MRC1: variants seen among roughly 807,000 people sequenced by gnomAD.
The protein encoded by MRC1 is mannose receptor C-type 1, also known as macrophage mannose receptor 1.
A neutral mutation model predicts 102.9 loss-of-function variants in MRC1; 62 were observed. The ratio of observed to expected loss-of-function variants is 0.60; its 90% confidence interval spans 0.49 to 0.74. MRC1 has a LOEUF of 0.74. Among genes scored for constraint, MRC1 ranks in the 30% least tolerant of loss-of-function variants. The probability of loss-of-function intolerance (pLI) is 0.00; values close to 1 mark genes in which losing one functional copy is unlikely to be tolerated. For missense variants in MRC1, 1,237 were observed against 862.8 expected (o/e 1.43, Z -5.43); for synonymous variants, 457 against 298.4 (o/e 1.53, Z -5.48).
At chr10:17,819,471 G>GTC (rs1554838115) in intron 1 of MRC1, among the ~76,000 whole-genome samples, 1 of 147,590 alleles carries the variant, frequency 6.8e-6, no homozygotes, top group Non-Finnish European at 1.5e-5. Context: ...GTGTGTGTGT[G>GTC]TGTGTGTGTG....
At chr10:17,859,006 A>G (rs1222256023) in intron 9 of MRC1, among the ~76,000 whole-genome samples, 4 of 152,106 alleles carry the variant, frequency 2.6e-5, no homozygotes, top group Admixed American at 6.5e-5. Context: ...ATCTCTTCCT[A>G]TGCTATCTTT....
intron 19 of MRC1, among the ~76,000 whole-genome samples, 198 bp from the exon 20 acceptor site, chr10:17,880,327 A>G (rs1833496452): frequency 6.6e-6 from 1 of 152,210 alleles, no homozygotes; most frequent in African/African-American, 2.4e-5. Flanking sequence ...GATGCTCTCT[A>G]TAAAGTGGAA....
At chr10:17,819,010 G>T (rs1268888784) in intron 1 of MRC1, among the ~76,000 whole-genome samples, 1 of 152,122 alleles carries the variant, frequency 6.6e-6, no homozygotes, top group African/African-American at 2.4e-5. Flanking sequence ...TTTTTCCTGG[G>T]TACAGTGGTT....
At chr10:17,811,689 A>C (rs553673834) in intron 1 of MRC1, among the ~76,000 whole-genome samples, 230 of 151,906 alleles carry the variant, frequency 1.5e-3, no homozygotes, top group African/African-American at 5.5e-3. Flanking sequence ...CCCACTCCCA[A>C]CTCCCCAGTA....
intron 22 of MRC1, among the ~76,000 whole-genome samples, chr10:17,891,861 A>G (rs1833681483): frequency 6.6e-6 from 1 of 152,216 alleles, no homozygotes; most frequent in African/African-American, 2.4e-5. Context: ...ATCATACGGG[A>G]GCCCCAAGGA....
intron 2 of MRC1, among the ~76,000 whole-genome samples, chr10:17,826,215 T>C (rs1381728538): frequency 6.6e-6 from 1 of 152,182 alleles, no homozygotes; most frequent in Non-Finnish European, 1.5e-5. Flanking sequence ...TTAAGATTTA[T>C]TTTTTGACGC....
chr10:17,855,540 C>G (rs917600317), intron 8 of MRC1, among the ~76,000 whole-genome samples: 5,160 of 138,172 alleles, frequency 0.037, 311 homozygotes, highest in African/African-American at 0.13. Context: ...CCACTGCACT[C>G]CAGCCTGGGC....
intron 28 of MRC1, among the ~76,000 whole-genome samples, chr10:17,908,026 G>A (rs1185212609): frequency 1.3e-5 from 2 of 152,174 alleles, no homozygotes; most frequent in Non-Finnish European, 2.9e-5. Context: ...GGTAAAGCCA[G>A]TACCAGCCCA....
Position 17,830,884 on chromosome 10 carries a change from C to CTATA in MRC1, c.638-2777_638-2774dup, listed in dbSNP as rs1252658364. 1.4e-5 allele frequency among the ~76,000 whole-genome samples: 2 copies of CTATA among 147,722 alleles called. 1 individual carries two copies. The highest frequency in any genetic ancestry group is 5.1e-5 in the African/African-American group (2 of 38,836). On this transcript the variant is annotated intron_variant, in intron 3 of 29. Transcript: ENST00000569591. ...CCTTTTTTATGTCTCACATTTTCTA[C>CTATA]TATATATATATATATATTTTTGGAG...
At chr10:17,877,051 T>A (rs1293073086) in intron 17 of MRC1, among the ~76,000 whole-genome samples, 3 of 150,770 alleles carry the variant, frequency 2.0e-5, no homozygotes, top group Non-Finnish European at 4.4e-5. Context: ...CAAGATGTTT[T>A]CTAATATTGC....
intron 9 of MRC1, among the ~76,000 whole-genome samples, chr10:17,858,645 G>C (rs959703745): frequency 2.0e-5 from 3 of 152,122 alleles, no homozygotes; most frequent in African/African-American, 7.2e-5. Context: ...AAGCTACCAT[G>C]CCTGGCTAAT....
At chr10:17,833,442 C>G (rs1838610457) in intron 3 of MRC1, among the ~76,000 whole-genome samples, 1 of 150,346 alleles carries the variant, frequency 6.7e-6, no homozygotes, top group South Asian at 2.1e-4. Context: ...GATTGTTTAA[C>G]CTCAAGAGTT....
chr10:17,809,556 G>C, intron 1 of MRC1, 30 bp downstream of exon 1: 1 of 872,454 alleles, frequency 1.1e-6, no homozygotes, highest in Non-Finnish European at 2.0e-6. Context: ...GGGGATCTCT[G>C]ACCTGGGGGG....
chr10:17,846,030 C>T (rs1473949986), intron 6 of MRC1, among the ~76,000 whole-genome samples: 1 of 152,190 alleles, frequency 6.6e-6, no homozygotes, highest in Admixed American at 6.5e-5. Flanking sequence ...GCCTCAGCCT[C>T]CCGAGTAGTT....
intron 1 of MRC1, among the ~76,000 whole-genome samples, chr10:17,822,798 T>C (rs1838415872): frequency 6.6e-6 from 1 of 152,306 alleles, no homozygotes; most frequent in Non-Finnish European, 1.5e-5. Context: ...GGACTTTGCA[T>C]GAGACTCCTC....
intron 26 of MRC1, among the ~76,000 whole-genome samples, chr10:17,904,513 C>T (rs1833871127): frequency 6.6e-6 from 1 of 152,164 alleles, no homozygotes; most frequent in African/African-American, 2.4e-5. Context: ...TGAGACCCTT[C>T]TCTCTCACAG....
chr10:17,888,712 T>C (rs1833634468), intron 22 of MRC1, among the ~76,000 whole-genome samples: 1 of 152,200 alleles, frequency 6.6e-6, no homozygotes, highest in Non-Finnish European at 1.5e-5. Context: ...ATGTTTCATG[T>C]GATCTTGAGA....
intron 3 of MRC1, 100 bp downstream of exon 3, chr10:17,827,815 T>A (rs2130600760): frequency 1.3e-6 from 1 of 754,106 alleles, no homozygotes; most frequent in East Asian, 2.4e-5. Context: ...CAAAGTTATT[T>A]CACATTTACG....
At chr10:17,855,087 C>T (rs1833062667) in intron 8 of MRC1, among the ~76,000 whole-genome samples, 1 of 152,166 alleles carries the variant, frequency 6.6e-6, no homozygotes. Flanking sequence ...GGGATAGAAT[C>T]TGAAATAAAG....
Sources: gnomAD v4.1 joint callset for allele counts (sites outside exome capture counted in the v4.1 genomes callset) on GRCh38, gnomAD v4.1.1 for gene constraint, MANE v1.5 for transcripts, NCBI Gene and HGNC (gene_info 2026-07-23, HGNC 2026-07-21) for gene names.